Variants in PRUNE2 observed in about 807,000 individuals in gnomAD.
The protein encoded by PRUNE2 is prune homolog 2 with BCH domain.
Under a neutral mutation model 252.0 loss-of-function variants are expected in PRUNE2, and 164 were observed. The ratio of observed to expected loss-of-function variants is 0.65; its 90% confidence interval spans 0.57 to 0.74. The LOEUF is 0.74. Among genes scored for constraint, PRUNE2 ranks in the 30% least tolerant of loss-of-function variants. The pLI, the probability that PRUNE2 is intolerant of heterozygous loss-of-function variation, is 0.00. For synonymous variants in PRUNE2, 1,292 were observed against 1,350.2 expected (o/e 0.96, Z 0.94); for missense variants, 3,495 against 3,711.0 (o/e 0.94, Z 1.51).
At chr9:76,665,509 T>C (rs2039974033) in intron 9 of PRUNE2, among the ~76,000 whole-genome samples, 1 of 152,068 alleles carries the variant, frequency 6.6e-6, no homozygotes, top group African/African-American at 2.4e-5. Flanking sequence ...GTTCCTATGA[T>C]TTCCTGTTTG....
At chr9:76,756,737 T>C (rs2051187086) in intron 6 of PRUNE2, among the ~76,000 whole-genome samples, 1 of 152,280 alleles carries the variant, frequency 6.6e-6, no homozygotes, top group East Asian at 1.9e-4. Flanking sequence ...CTGCAAACCT[T>C]TGTCATGGAA....
intron 3 of PRUNE2, 134 bp downstream of exon 3, chr9:76,850,329 G>C (rs1051602112): frequency 5.7e-6 from 4 of 707,412 alleles, no homozygotes; most frequent in Admixed American, 2.5e-5. Context: ...TTATAGGCGT[G>C]AGCCACCATG....
At chr9:76,658,653 T>G (rs1013671046) in intron 9 of PRUNE2, among the ~76,000 whole-genome samples, 1 of 152,252 alleles carries the variant, frequency 6.6e-6, no homozygotes, top group Non-Finnish European at 1.5e-5. Context: ...TTTATCTATC[T>G]GTAGCCTCTA....
At chr9:76,819,850 G>A (rs550681968) in intron 6 of PRUNE2, among the ~76,000 whole-genome samples, 36 of 152,262 alleles carry the variant, frequency 2.4e-4, no homozygotes, top group African/African-American at 8.4e-4. Flanking sequence ...TCCCCTTAAC[G>A]TTTTAATATA....
intron 1 of PRUNE2, among the ~76,000 whole-genome samples, chr9:76,891,582 T>C (rs939643947): frequency 1.3e-5 from 2 of 152,262 alleles, no homozygotes; most frequent in Admixed American, 6.5e-5. Flanking sequence ...TGTTTTCCTG[T>C]GTCAAAGAAA....
chr9:76,714,616 C>T (rs117521662), intron 6 of PRUNE2, among the ~76,000 whole-genome samples: 2,758 of 152,192 alleles, frequency 0.018, 45 homozygotes, highest in East Asian at 0.085. Context: ...AGGCTGGTCT[C>T]GAACTCCTGG....
At chr9:76,647,382 T>C (rs573985629) in intron 11 of PRUNE2, among the ~76,000 whole-genome samples, 5 of 152,288 alleles carry the variant, frequency 3.3e-5, no homozygotes, top group East Asian at 1.9e-4. Context: ...CAAAAGTTAA[T>C]TGAAAATGGA....
At chr9:76,762,776 G>A (rs1199573147) in intron 6 of PRUNE2, among the ~76,000 whole-genome samples, 3 of 152,256 alleles carry the variant, frequency 2.0e-5, no homozygotes, top group African/African-American at 4.8e-5. Flanking sequence ...CTGTGGACAC[G>A]TAAGGAGCCT....
chr9:76,741,456 G>T (rs1312097857), intron 6 of PRUNE2, among the ~76,000 whole-genome samples: 1 of 152,216 alleles, frequency 6.6e-6, no homozygotes, highest in African/African-American at 2.4e-5. Context: ...AGTCAGGCTG[G>T]TGGGACCAGG....
chr9:76,801,821 A>G (rs1275421968), intron 6 of PRUNE2, among the ~76,000 whole-genome samples: 1 of 152,186 alleles, frequency 6.6e-6, no homozygotes, highest in Admixed American at 6.5e-5. Flanking sequence ...CGTACAGACA[A>G]TGTTCAGAAT....
intron 6 of PRUNE2, among the ~76,000 whole-genome samples, chr9:76,741,049 C>T (rs1051346703): frequency 1.3e-5 from 2 of 152,124 alleles, no homozygotes; most frequent in Admixed American, 1.3e-4. Context: ...AATACACTCA[C>T]AAAAATTTTA....
chr9:76,665,152 T>C (rs1469645150), intron 9 of PRUNE2, among the ~76,000 whole-genome samples: 3 of 152,218 alleles, frequency 2.0e-5, no homozygotes, highest in Non-Finnish European at 2.9e-5. Flanking sequence ...GTTTAAATCC[T>C]TTCAATTCAC....
At chr9:76,774,363 C>T (rs2053455283) in intron 6 of PRUNE2, among the ~76,000 whole-genome samples, 1 of 151,886 alleles carries the variant, frequency 6.6e-6, no homozygotes, top group Admixed American at 6.6e-5. Context: ...GTCTTGAACT[C>T]CTGAGCTCAA....
intron 1 of PRUNE2, among the ~76,000 whole-genome samples, chr9:76,872,504 AAG>A (rs1001403105): frequency 3.3e-4 from 50 of 152,066 alleles, no homozygotes; most frequent in African/African-American, 1.2e-3. Flanking sequence ...GAAGAAAGAT[AAG>A]AGTTTCCCAG....
At chr9:76,720,733 G>A (rs1012010051) in intron 6 of PRUNE2, among the ~76,000 whole-genome samples, 3 of 152,100 alleles carry the variant, frequency 2.0e-5, no homozygotes, top group African/African-American at 7.2e-5. Flanking sequence ...CATAATATAT[G>A]TGAACTTTCA....
chr9:76,837,989 T>A (rs1283784121), intron 4 of PRUNE2, among the ~76,000 whole-genome samples: 1 of 151,980 alleles, frequency 6.6e-6, no homozygotes, highest in Non-Finnish European at 1.5e-5. Flanking sequence ...GCCAGGATGG[T>A]CTCGATCTCC....
intron 9 of PRUNE2, among the ~76,000 whole-genome samples, chr9:76,683,036 T>G (rs1403949845): frequency 6.6e-6 from 1 of 152,248 alleles, no homozygotes; most frequent in African/African-American, 2.4e-5. Flanking sequence ...CCAGACTCTT[T>G]CTTCTTTTGA....
chr9:76,709,410 C>T lies in PRUNE2; in HGVS notation c.2864G>A (p.Gly955Glu). 2 of 1,613,964 alleles carry T rather than the reference C, an allele frequency of 1.2e-6. No individual in the cohort carries two copies. The highest frequency in any genetic ancestry group is 1.7e-6 in the Non-Finnish European group (2 of 1,179,878). ...TAAGGGGGAAGGCACCGAATCTTCT[C>T]CTAGGTTGGATGCACTGTAATCAGA... is the stretch of plus-strand genomic sequence containing the variant. ...KCSDYSASNLGEDSVPSPLDT... is the reference protein window; with the variant it reads ...KCSDYSASNLEEDSVPSPLDT... The change falls in exon 8 of 19, where the codon GGA (glycine) becomes GAA (glutamate). Residue 955 changes from glycine to glutamate, a missense_variant. Gly to Glu is a moderately conservative substitution (Grantham distance 98). Coordinates refer to ENST00000376718, the MANE Select transcript of PRUNE2 (RefSeq NM_015225.3).
intron 9 of PRUNE2, chr9:76,700,058 T>C (rs548181529): frequency 6.6e-6 from 1 of 152,364 alleles, no homozygotes; most frequent in African/African-American, 2.4e-5. Flanking sequence ...AATGCAGTGC[T>C]GCAAATCTCA....
Sources: allele counts gnomAD v4.1 joint callset (sites outside exome capture counted in the v4.1 genomes callset), GRCh38; gene constraint gnomAD v4.1.1; transcripts MANE v1.5; gene names NCBI Gene and HGNC (gene_info 2026-07-23, HGNC 2026-07-21).